The following P3H2 variants were observed in gnomAD, a reference collection of about 807,000 sequenced individuals.
P3H2 encodes the protein prolyl 3-hydroxylase 2, also known as leprecan-like 1.
A neutral mutation model predicts 87.0 loss-of-function variants in P3H2; 80 were observed. That is an observed-to-expected ratio of 0.92 (90% CI 0.77 to 1.11). P3H2 has a LOEUF of 1.11. Ranked by LOEUF, P3H2 falls within the 50% of genes least tolerant of loss-of-function variation. P3H2 has a pLI of 0.00. For missense variants in P3H2, 1,001 were observed against 923.9 expected (o/e 1.08, Z -1.08); for synonymous variants, 367 against 359.3 (o/e 1.02, Z -0.24).
intron 1 of P3H2, among the ~76,000 whole-genome samples, chr3:190,090,495 A>G (rs1727372719): frequency 6.6e-6 from 1 of 152,168 alleles, no homozygotes; most frequent in Admixed American, 6.5e-5. Context: ...CGAGGTCAGG[A>G]GATCGAGATC....
intron 13 of P3H2, among the ~76,000 whole-genome samples, chr3:189,970,258 G>A (rs893970126): frequency 7.8e-6 from 1 of 128,774 alleles, no homozygotes; most frequent in African/African-American, 2.9e-5. Context: ...AAGCTGCAGT[G>A]GGCATATTTA....
intron 1 of P3H2, among the ~76,000 whole-genome samples, chr3:190,095,554 G>A (rs1004914046): frequency 6.7e-6 from 1 of 148,818 alleles, no homozygotes; most frequent in African/African-American, 2.5e-5. Context: ...ATGAAGATAT[G>A]TAATTTAGAG....
rs564637839 is a variant in P3H2 at position 190,041,466 on chromosome 3, C to T, written c.481-46024G>A. Among the ~76,000 whole-genome samples, 12 of 152,034 alleles carry T rather than the reference C, an allele frequency of 7.9e-5. No homozygotes were observed. The South Asian group carries it at 8.3e-4, about 11-fold the overall frequency. ...TTCTTAGTCCAATAAGGGGAAATCC[C>T]GAGAGGTTCACAGCTGGCTCTGCTT... is the stretch of plus-strand genomic sequence containing the variant. On this transcript the variant is annotated intron_variant, in intron 1 of 14. Coordinates refer to ENST00000319332, the MANE Select transcript of P3H2 (RefSeq NM_018192.4).
At chr3:190,081,627 G>C (rs556629374) in intron 1 of P3H2, among the ~76,000 whole-genome samples, 1 of 152,126 alleles carries the variant, frequency 6.6e-6, no homozygotes, top group Non-Finnish European at 1.5e-5. Flanking sequence ...AGTGACTACC[G>C]TTCCAGTCTG....
chr3:189,990,558 T>C (rs1338936940), intron 3 of P3H2, among the ~76,000 whole-genome samples: 4 of 152,124 alleles, frequency 2.6e-5, no homozygotes, highest in Admixed American at 1.3e-4. Context: ...AGGTATCCTT[T>C]AGGGTTTCAT....
At chr3:190,020,929 T>C (rs1724912423) in intron 1 of P3H2, among the ~76,000 whole-genome samples, 1 of 134,516 alleles carries the variant, frequency 7.4e-6, no homozygotes, top group African/African-American at 2.6e-5. Flanking sequence ...TGCAAGGAAC[T>C]TTTAAGTATA....
At chr3:190,041,661 A>G (rs1725640872) in intron 1 of P3H2, among the ~76,000 whole-genome samples, 1 of 152,222 alleles carries the variant, frequency 6.6e-6, no homozygotes, top group Non-Finnish European at 1.5e-5. Flanking sequence ...CTCTATTAAC[A>G]TGTTAAAACC....
chr3:190,105,387 T>G (rs1477562333), intron 1 of P3H2, among the ~76,000 whole-genome samples: 1 of 152,196 alleles, frequency 6.6e-6, no homozygotes, highest in South Asian at 2.1e-4. Context: ...AAGGAGATTT[T>G]TTGTTGTTGT....
chr3:189,999,463 C>T (rs1405110807), intron 1 of P3H2, among the ~76,000 whole-genome samples: 1 of 152,140 alleles, frequency 6.6e-6, no homozygotes, highest in Non-Finnish European at 1.5e-5. Context: ...ATACACACAT[C>T]CAAAGTGGTA....
chr3:190,023,395 G>A (rs914983432), intron 1 of P3H2, among the ~76,000 whole-genome samples: 2 of 152,168 alleles, frequency 1.3e-5, no homozygotes, highest in Non-Finnish European at 2.9e-5. Flanking sequence ...ATTGACTCAA[G>A]AGTTTACATG....
At chr3:189,983,984 A>G (rs1022383189) in intron 7 of P3H2, among the ~76,000 whole-genome samples, 1 of 152,126 alleles carries the variant, frequency 6.6e-6, no homozygotes, top group Non-Finnish European at 1.5e-5. Flanking sequence ...CTAAATGACA[A>G]GTTAATGGGT....
chr3:190,019,266 T>G (rs535657496), intron 1 of P3H2, among the ~76,000 whole-genome samples: 1 of 152,298 alleles, frequency 6.6e-6, no homozygotes, highest in Non-Finnish European at 1.5e-5. Context: ...ATGTTATTTT[T>G]AGCCACATTT....
At chr3:190,018,945 G>A (rs1355613515) in intron 1 of P3H2, among the ~76,000 whole-genome samples, 3 of 152,076 alleles carry the variant, frequency 2.0e-5, no homozygotes, top group Non-Finnish European at 4.4e-5. Context: ...AATGGCCCAG[G>A]ATATTACAGA....
chr3:190,064,865 A>C (rs1726447408), intron 1 of P3H2, among the ~76,000 whole-genome samples: 1 of 152,138 alleles, frequency 6.6e-6, no homozygotes, highest in South Asian at 2.1e-4. Context: ...TGTGTCAGCC[A>C]GTCTTCTGAT....
chr3:190,067,817 T>C (rs1403721356), intron 1 of P3H2, among the ~76,000 whole-genome samples: 1 of 152,138 alleles, frequency 6.6e-6, no homozygotes, highest in African/African-American at 2.4e-5. Context: ...AATAAAAAGA[T>C]AAAATATTGC....
rs1712552486 is a variant in P3H2 at position 190,120,855 on chromosome 3, C to T, written c.-124G>A. 1 of 1,410,934 alleles carries T rather than the reference C, an allele frequency of 7.1e-7. No homozygotes were observed. The highest frequency in any genetic ancestry group is 1.5e-5 in the South Asian group (1 of 68,944). The allele number at this position is 1,410,934 out of a possible 1,614,324, so 87.4% of individuals were successfully genotyped here. ...CGACTCCGCCGCGATCTGGCCGCTC[C>T]GCGAGCCCCAGGTGACCGCCGGCGC... is the stretch of plus-strand genomic sequence containing the variant. On this transcript the variant is annotated 5_prime_UTR_variant, in exon 1 of 15. Transcript: ENST00000319332.
intron 13 of P3H2, among the ~76,000 whole-genome samples, chr3:189,966,033 GAGAA>G (rs1218218197): frequency 7.3e-6 from 1 of 137,760 alleles, no homozygotes; most frequent in Non-Finnish European, 1.6e-5. Flanking sequence ...AAAAGAGAGA[GAGAA>G]AGAAAGAAAA....
intron 1 of P3H2, among the ~76,000 whole-genome samples, chr3:190,041,746 C>T (rs1226979378): frequency 2.6e-5 from 4 of 152,230 alleles, no homozygotes; most frequent in African/African-American, 9.6e-5. Context: ...AGACACTCTG[C>T]TTTTTAAATT....
At chr3:190,082,786 G>T (rs1727085393) in intron 1 of P3H2, among the ~76,000 whole-genome samples, 1 of 152,116 alleles carries the variant, frequency 6.6e-6, no homozygotes. Context: ...GACAACAGAG[G>T]TGGGTTTTTT....
Sources: gnomAD v4.1 joint callset for allele counts (sites outside exome capture counted in the v4.1 genomes callset) on GRCh38, gnomAD v4.1.1 for gene constraint, MANE v1.5 for transcripts, NCBI Gene and HGNC (gene_info 2026-07-23, HGNC 2026-07-21) for gene names.